Variants in DAPK1 observed in about 807,000 individuals in gnomAD.
DAPK1 encodes death-associated protein kinase 1.
In DAPK1, 56 loss-of-function variants were observed where a neutral mutation model predicts 144.9. The ratio of observed to expected loss-of-function variants is 0.39; its 90% CI spans 0.31 to 0.48. The LOEUF is 0.48. Ranked by LOEUF, DAPK1 falls within the 20% of genes least tolerant of loss-of-function variation. The pLI, the probability that DAPK1 is intolerant of heterozygous loss-of-function variation, is 0.95. For synonymous variants in DAPK1, 690 were observed against 749.0 expected (o/e 0.92, Z 1.29); for missense variants, 1,454 against 1,875.4 (o/e 0.78, Z 4.15).
chr9:87,600,580 G>A (rs976885951), intron 2 of DAPK1, among the ~76,000 whole-genome samples: 21 of 152,188 alleles, frequency 1.4e-4, no homozygotes, highest in African/African-American at 2.9e-4. Flanking sequence ...GCGGCAGAGC[G>A]AGACCCTGTC....
intron 2 of DAPK1, among the ~76,000 whole-genome samples, chr9:87,603,382 G>A (rs772458943): frequency 3.3e-5 from 5 of 152,156 alleles, no homozygotes; most frequent in African/African-American, 4.8e-5. Flanking sequence ...GTCGGTGCTG[G>A]CATTCCAGTG....
intron 10 of DAPK1, among the ~76,000 whole-genome samples, chr9:87,642,301 G>A (rs1001208287): frequency 6.6e-6 from 1 of 152,144 alleles, no homozygotes; most frequent in Non-Finnish European, 1.5e-5. Flanking sequence ...ACTATTCTCA[G>A]TGCAAATTTT....
At chr9:87,591,663 T>C (rs36205760) in intron 2 of DAPK1, among the ~76,000 whole-genome samples, 7,513 of 152,238 alleles carry the variant, frequency 0.049, 351 homozygotes, top group East Asian at 0.24. Context: ...GAAATTAAAA[T>C]GTAAACTCAA....
At chr9:87,621,974 C>T (rs1829310033) in intron 3 of DAPK1, among the ~76,000 whole-genome samples, 1 of 152,000 alleles carries the variant, frequency 6.6e-6, no homozygotes, top group South Asian at 2.1e-4. Flanking sequence ...TCTCCAAGGG[C>T]ATCCTTTGGG....
At chr9:87,646,861 GT>G (rs199724157) in intron 13 of DAPK1, among the ~76,000 whole-genome samples, 1,755 of 152,198 alleles carry the variant, frequency 0.012, 15 homozygotes, top group South Asian at 0.024. Context: ...ACATGAAAAA[GT>G]TTTGTTATCT....
chr9:87,579,392 C>T (rs1385030804), intron 2 of DAPK1, among the ~76,000 whole-genome samples: 1 of 152,184 alleles, frequency 6.6e-6, no homozygotes, highest in Non-Finnish European at 1.5e-5. Flanking sequence ...CATTTAACAT[C>T]TTGCAGTCAT....
intron 2 of DAPK1, among the ~76,000 whole-genome samples, chr9:87,576,902 C>A (rs189123900): frequency 6.6e-6 from 1 of 152,232 alleles, no homozygotes; most frequent in Admixed American, 6.5e-5. Context: ...AATGGCAGTG[C>A]CCTCCTTATA....
Position 87,653,830 on chromosome 9 carries a change from AT to A in DAPK1, c.1824+2108del, listed in dbSNP as rs1335961128. Among the ~76,000 whole-genome samples, 11 of 152,120 alleles carry A rather than the reference AT, an allele frequency of 7.2e-5. No individual in the cohort carries two copies. In the East Asian group the frequency reaches 2.1e-3, roughly 29 times the overall value. On this transcript the variant is annotated intron_variant, in intron 17 of 25. Coordinates refer to ENST00000408954, the MANE Select transcript of DAPK1 (RefSeq NM_004938.4). ...TGCCTCAGCCTCCTGAGTAGCTGGG[AT>A]TACAGGCTCATGCCACCATGCCCTG...
At chr9:87,654,039 A>G (rs913821280) in intron 17 of DAPK1, among the ~76,000 whole-genome samples, 2 of 152,212 alleles carry the variant, frequency 1.3e-5, no homozygotes, top group African/African-American at 4.8e-5. Flanking sequence ...TTTATGGGCA[A>G]AAGTTCCTAC....
intron 3 of DAPK1, among the ~76,000 whole-genome samples, chr9:87,605,767 T>C (rs972045538): frequency 6.6e-6 from 1 of 152,178 alleles, no homozygotes; most frequent in South Asian, 2.1e-4. Flanking sequence ...GGAAACTGAT[T>C]GCGGCAGGTT....
rs549928728 is a variant in DAPK1, at chr9:87,664,702, C to G, written c.1924-3895C>G. The stretch of plus-strand genomic sequence containing the variant: ...CCTAAGTGGGCTCCCTGCTTCCACC[C>G]TTACCTGTCCACAGCCTGGTCCCCA... On this transcript the variant is annotated intron_variant, in intron 18 of 25. Transcript: ENST00000408954. Among the ~76,000 whole-genome samples, 11 of 152,352 alleles carry G rather than the reference C, an allele frequency of 7.2e-5. No individual in the cohort carries two copies. In the East Asian group the frequency reaches 1.7e-3, roughly 24 times the overall value.
At chr9:87,605,892 G>C (rs1828698198) in intron 3 of DAPK1, among the ~76,000 whole-genome samples, 1 of 152,192 alleles carries the variant, frequency 6.6e-6, no homozygotes, top group Non-Finnish European at 1.5e-5. Flanking sequence ...ATGCTGGCGA[G>C]AGAGGACAGG....
At position 87,671,176 on chromosome 9, in the gene DAPK1, C is replaced by T. The variant is rs1013242802; in HGVS notation, c.2001+2502C>T. On this transcript the variant is annotated intron_variant, in intron 19 of 25. Transcript: ENST00000408954. Reference sequence around the variant, plus strand: ...AGTAGAGATGCAAAGCACCTTGCTGCGGCGCTTCCTCCAAATCCTCAGTGA... The same window carrying T: ...AGTAGAGATGCAAAGCACCTTGCTGTGGCGCTTCCTCCAAATCCTCAGTGA... 3.3e-5 allele frequency among the ~76,000 whole-genome samples: 5 copies of T among 152,090 alleles called. No homozygotes were observed. The East Asian group carries it at 5.8e-4, about 18-fold the overall frequency.
chr9:87,663,011 A>G (rs928450547), intron 18 of DAPK1, among the ~76,000 whole-genome samples: 2 of 151,806 alleles, frequency 1.3e-5, no homozygotes, highest in Non-Finnish European at 2.9e-5. Flanking sequence ...CCTTCCTCCT[A>G]CCCTCCAGAA....
At chr9:87,520,999 A>C (rs551857364) in intron 2 of DAPK1, among the ~76,000 whole-genome samples, 3 of 152,248 alleles carry the variant, frequency 2.0e-5, no homozygotes, top group Non-Finnish European at 4.4e-5. Context: ...ACAGAGTTGC[A>C]TTCCAATTCA....
rs577252429 is a variant in DAPK1, at chr9:87,644,482, A to G, written c.1011+1014A>G. On this transcript the variant is annotated intron_variant, in intron 11 of 25. Coordinates refer to ENST00000408954, the MANE Select transcript of DAPK1 (RefSeq NM_004938.4). ...AGCTCCCCTTTTTTCTCCTTAAGTT[A>G]GTAGCTTCACTGAGGCTTCACATCT... Among the ~76,000 whole-genome samples, 13 of 152,158 alleles carry G rather than the reference A, an allele frequency of 8.5e-5. No homozygotes were observed. In the South Asian group the frequency reaches 2.1e-3, roughly 24 times the overall value.
intron 2 of DAPK1, among the ~76,000 whole-genome samples, chr9:87,573,458 A>G (rs1195133338): frequency 2.6e-5 from 4 of 152,224 alleles, no homozygotes; most frequent in Non-Finnish European, 4.4e-5. Context: ...TCCAGAGATG[A>G]TGGGAGAAGG....
chr9:87,651,375 A>G, intron 16 of DAPK1, 152 bp from the exon 17 acceptor site: 1 of 694,318 alleles, frequency 1.4e-6, no homozygotes, highest in Non-Finnish European at 2.5e-6. Context: ...CTGCTATAGG[A>G]GTAAAGTTTC....
intron 3 of DAPK1, among the ~76,000 whole-genome samples, chr9:87,621,518 A>G (rs1200338020): frequency 6.6e-5 from 10 of 152,142 alleles, no homozygotes; most frequent in African/African-American, 9.7e-5. Context: ...AAGAGTCTTC[A>G]TCGTCTTCCT....
Sources: allele counts gnomAD v4.1 joint callset (sites outside exome capture counted in the v4.1 genomes callset), GRCh38; gene constraint gnomAD v4.1.1; transcripts MANE v1.5; gene names NCBI Gene and HGNC (gene_info 2026-07-23, HGNC 2026-07-21).